PEAK1: variants seen among roughly 807,000 people sequenced by gnomAD.
PEAK1 encodes pseudopodium enriched atypical kinase 1.
A neutral mutation model predicts 124.7 loss-of-function variants in PEAK1; 54 were observed. That is an observed-to-expected ratio of 0.43 (90% CI 0.35 to 0.54). The LOEUF is 0.54. Ranked by LOEUF, PEAK1 falls within the 20% of genes least tolerant of loss-of-function variation. The pLI, the probability that PEAK1 is intolerant of heterozygous loss-of-function variation, is 0.01. For missense variants in PEAK1, 2,046 were observed against 2,134.5 expected, an observed-to-expected ratio of 0.96 and a Z score of 0.82; for synonymous variants, 719 against 760.0, an observed-to-expected ratio of 0.95 and a Z score of 0.89.
chr15:77,226,071 A>G (rs1596717682), intron 6 of PEAK1, among the ~76,000 whole-genome samples: 1 of 137,186 alleles, frequency 7.3e-6, no homozygotes, highest in East Asian at 2.1e-4. Context: ...ATATATATAT[A>G]TATATATATA....
chr15:77,363,633 C>T (rs1354336318), intron 2 of PEAK1, among the ~76,000 whole-genome samples: 1 of 152,156 alleles, frequency 6.6e-6, no homozygotes, highest in Non-Finnish European at 1.5e-5. Context: ...CTTGCTTATC[C>T]TAATTCGGTA....
At chr15:77,231,369 C>T (rs756301993) in intron 6 of PEAK1, among the ~76,000 whole-genome samples, 4 of 152,142 alleles carry the variant, frequency 2.6e-5, no homozygotes, top group Non-Finnish European at 5.9e-5. Flanking sequence ...CTGGTTTAAC[C>T]TACTCTGTCC....
At chr15:77,405,024 TG>T (rs1246749030) in intron 1 of PEAK1, among the ~76,000 whole-genome samples, 1 of 151,750 alleles carries the variant, frequency 6.6e-6, no homozygotes, top group Non-Finnish European at 1.5e-5. Flanking sequence ...TTTTTTTTTT[TG>T]AGACAGAGTC....
At chr15:77,357,843 C>T (rs1027207824) in intron 2 of PEAK1, among the ~76,000 whole-genome samples, 19 of 152,212 alleles carry the variant, frequency 1.2e-4, no homozygotes, top group African/African-American at 4.3e-4. Context: ...CAGAGGCCCT[C>T]GAAAACTTTT....
At chr15:77,153,692 T>C (rs1267404915) in intron 8 of PEAK1, among the ~76,000 whole-genome samples, 2 of 152,204 alleles carry the variant, frequency 1.3e-5, no homozygotes, top group Non-Finnish European at 2.9e-5. Context: ...GTGTCTTTGT[T>C]CTCATTGGTT....
chr15:77,371,002 C>G (rs1478738881), intron 1 of PEAK1: 21 of 805,806 alleles, frequency 2.6e-5, no homozygotes, highest in Non-Finnish European at 3.0e-5. Flanking sequence ...TGCACTCCAG[C>G]CTGGCAACAG....
At chr15:77,278,284 AACT>A (rs1317675048) in intron 5 of PEAK1, among the ~76,000 whole-genome samples, 1 of 152,198 alleles carries the variant, frequency 6.6e-6, no homozygotes, top group Non-Finnish European at 1.5e-5. Flanking sequence ...TAAAAGAATG[AACT>A]ACTAATACAC....
At chr15:77,169,388 A>T (rs1285352307) in intron 7 of PEAK1, among the ~76,000 whole-genome samples, 1 of 152,254 alleles carries the variant, frequency 6.6e-6, no homozygotes, top group Non-Finnish European at 1.5e-5. Context: ...TTATGCCTGA[A>T]AACTAAATTA....
intron 6 of PEAK1, among the ~76,000 whole-genome samples, chr15:77,234,311 CTATT>C (rs2060024753): frequency 6.6e-6 from 1 of 152,070 alleles, no homozygotes; most frequent in Non-Finnish European, 1.5e-5. Flanking sequence ...CAAGATTTAT[CTATT>C]TTATTTATCT....
chr15:77,404,724 A>T (rs776314386), intron 1 of PEAK1: 129 of 944,096 alleles, frequency 1.4e-4, no homozygotes, highest in Non-Finnish European at 1.6e-4. Flanking sequence ...AGTAGGAGGT[A>T]GGATTTATTA....
chr15:77,339,135 C>T (rs1333018436), intron 2 of PEAK1, among the ~76,000 whole-genome samples: 4 of 145,402 alleles, frequency 2.8e-5, no homozygotes, highest in East Asian at 2.0e-4. Context: ...TTTTTTTAAA[C>T]GGTCTCATTA....
At chr15:77,244,536 G>C (rs1420610508) in intron 6 of PEAK1, among the ~76,000 whole-genome samples, 1 of 151,964 alleles carries the variant, frequency 6.6e-6, no homozygotes, top group Non-Finnish European at 1.5e-5. Context: ...AACTATAATA[G>C]CATTTATCAG....
Position 77,109,838 on chromosome 15 carries a change from C to A in PEAK1, c.*4318G>T, listed in dbSNP as rs976589032. ...GCCCAGCAAGTCCAGTTTGTCTCAC[C>A]CCTCTCCAAGAATGTTCATACTATA... On this transcript the variant is annotated 3_prime_UTR_variant, in exon 10 of 10. Transcript: ENST00000682557. 6.6e-6 allele frequency: 1 copy of A among 152,116 alleles called. No homozygotes were observed. Among genetic ancestry groups the A allele is most frequent in the Admixed American group, 6.5e-5 (1 of 15,270 alleles). 9.4% of individuals were successfully genotyped at this position (152,116 alleles called of 1,614,324 possible).
At chr15:77,326,776 T>G (rs2065602095) in intron 2 of PEAK1, among the ~76,000 whole-genome samples, 2 of 152,132 alleles carry the variant, frequency 1.3e-5, no homozygotes. Context: ...ACTATTCTAT[T>G]TAGGAAACAG....
At chr15:77,244,141 G>C (rs1222614637) in intron 6 of PEAK1, among the ~76,000 whole-genome samples, 1 of 152,168 alleles carries the variant, frequency 6.6e-6, no homozygotes, top group African/African-American at 2.4e-5. Context: ...TACCTTTGCT[G>C]TGTGATAGAG....
At position 77,341,079 on chromosome 15, in the gene PEAK1, A is replaced by G. The variant is rs114639935; in HGVS notation, c.-603+24084T>C. ...CAATTCTCCCACCTCAGCCTCTTAA[A>G]TTATAACTTTACTATAAAAAATACA... is the stretch of plus-strand genomic sequence containing the variant. On this transcript the variant is annotated intron_variant, in intron 2 of 9. Coordinates refer to ENST00000682557, the MANE Select transcript of PEAK1 (RefSeq NM_001385026.1). Among the ~76,000 whole-genome samples the G allele has an allele frequency of 1.5e-3, 227 of 152,070 alleles. 2 individuals carry two copies. Among genetic ancestry groups the G allele is most frequent in the African/African-American group, 5.3e-3 (220 of 41,468 alleles).
chr15:77,322,424 C>T (rs1022988589), intron 2 of PEAK1, among the ~76,000 whole-genome samples: 4 of 151,940 alleles, frequency 2.6e-5, no homozygotes, highest in South Asian at 2.1e-4. Flanking sequence ...CAAATAGACG[C>T]AATAAAAAAT....
intron 2 of PEAK1, among the ~76,000 whole-genome samples, chr15:77,304,552 C>G (rs566326377): frequency 6.6e-6 from 1 of 150,792 alleles, no homozygotes; most frequent in Admixed American, 6.6e-5. Context: ...GGGTTCACAC[C>G]ATCTCCTGCC....
chr15:77,277,287 G>A (rs1399314315), intron 5 of PEAK1, among the ~76,000 whole-genome samples: 1 of 152,108 alleles, frequency 6.6e-6, no homozygotes, highest in Non-Finnish European at 1.5e-5. Context: ...TATAGAGATG[G>A]TTACCAAGGG....
Sources: allele counts gnomAD v4.1 joint callset (sites outside exome capture counted in the v4.1 genomes callset), GRCh38; gene constraint gnomAD v4.1.1; transcripts MANE v1.5; gene names NCBI Gene and HGNC (gene_info 2026-07-23, HGNC 2026-07-21).